Variants in WDR43 observed in about 807,000 individuals in gnomAD.
WDR43 encodes WD repeat domain 43.
WDR43 carries 13 observed loss-of-function variants against 91.4 expected under a neutral mutation model. That is an observed-to-expected ratio of 0.14 (90% CI 0.09 to 0.23). The LOEUF (loss-of-function observed/expected upper bound fraction) is 0.23. Among genes scored for constraint, WDR43 ranks in the 10% least tolerant of loss-of-function variants. The pLI, the probability that WDR43 is intolerant of heterozygous loss-of-function variation, is 1.00. For synonymous variants in WDR43, 331 were observed against 287.9 expected (o/e 1.15, Z -1.51); for missense variants, 780 against 809.4 (o/e 0.96, Z 0.44).
At position 28,917,980 on chromosome 2, in the gene WDR43, A is replaced by G; in HGVS notation, c.834A>G (p.Ser278=). 1.9e-6 allele frequency: 3 copies of G among 1,575,406 alleles called. No homozygotes were observed. Among genetic ancestry groups the G allele is most frequent in the Non-Finnish European group, 2.6e-6 (3 of 1,159,712 alleles). Residue 278 remains serine (S), a synonymous_variant, in exon 6 of 18, where the codon TCA becomes TCG. Transcript: ENST00000407426. ...CTGTCTATATTGACTTAACTTTGTC[A>G]GAAAACAAAGAAGAGGTAAATGGCT... ...DEPVYIDLTL[S]ENKEEPVKLA...
chr2:28,903,576 T>C (rs983845223), intron 2 of WDR43, among the ~76,000 whole-genome samples: 1 of 152,192 alleles, frequency 6.6e-6, no homozygotes, highest in African/African-American at 2.4e-5. Flanking sequence ...ACAAAAATAA[T>C]ACTCAACTAT....
chr2:28,923,587 C>T (rs1671077159), intron 7 of WDR43, among the ~76,000 whole-genome samples: 1 of 152,122 alleles, frequency 6.6e-6, no homozygotes, highest in Non-Finnish European at 1.5e-5. Context: ...AGTTGGCACC[C>T]TTCTTTTAAG....
rs1353637344 is a variant in WDR43 at position 28,926,542 on chromosome 2, A to G, written c.1161A>G (p.Thr387=). The G allele has an allele frequency of 6.3e-7, 1 of 1,594,302 alleles. No individual in the cohort carries two copies. The highest frequency in any genetic ancestry group is 2.3e-5 in the East Asian group (1 of 44,434). ...ISNCWAPKVE[T]AITKVRTPVM... is the part of the protein sequence containing the mutation. ...ACTGCTGGGCCCCCAAAGTAGAAAC[A>G]GCTATAACAAAGGTGAGCACATTAC... The change falls in exon 9 of 18, where the codon ACA becomes ACG. Residue 387 remains threonine, a synonymous_variant. Coordinates refer to ENST00000407426, the MANE Select transcript of WDR43 (RefSeq NM_015131.3).
chr2:28,932,022 C>G (rs558497005), intron 11 of WDR43, among the ~76,000 whole-genome samples: 14 of 151,972 alleles, frequency 9.2e-5, no homozygotes, highest in Non-Finnish European at 2.1e-4. Context: ...ACTGCAGGCA[C>G]GCATCACCAT....
intron 6 of WDR43, among the ~76,000 whole-genome samples, chr2:28,919,126 C>T (rs1670972375): frequency 1.3e-5 from 2 of 152,114 alleles, no homozygotes; most frequent in Admixed American, 6.5e-5. Context: ...TGCATGGTGG[C>T]ATGCACTGGT....
chr2:28,925,876 G>A (rs1671128932), intron 8 of WDR43, among the ~76,000 whole-genome samples: 1 of 152,110 alleles, frequency 6.6e-6, no homozygotes, highest in Admixed American at 6.5e-5. Flanking sequence ...CTCTCTGTTT[G>A]CAGCCATTGT....
rs1229177533 is a variant in WDR43 at position 28,922,903 on chromosome 2, T to C, written c.850-16T>C. On this transcript the variant is annotated splice_polypyrimidine_tract_variant and intron_variant, in intron 6 of 17. Transcript: ENST00000407426. ...ATGTTATCCATTATAATACGTTGGTTACATTTTTCTTTTAGCCTGTCAAGT... is the reference window on the plus strand; with the variant it reads ...ATGTTATCCATTATAATACGTTGGTCACATTTTTCTTTTAGCCTGTCAAGT... The C allele has an allele frequency of 8.1e-6, 13 of 1,609,404 alleles. No homozygotes were observed. The highest frequency in any genetic ancestry group is 1.0e-5 in the Non-Finnish European group (12 of 1,177,804).
chr2:28,939,993 G>T (rs1381719898), intron 14 of WDR43, among the ~76,000 whole-genome samples: 1 of 151,636 alleles, frequency 6.6e-6, no homozygotes, highest in African/African-American at 2.4e-5. Context: ...TGTAGTCCCA[G>T]CTACTCGGGA....
chr2:28,920,878 T>C (rs750439956), intron 6 of WDR43, among the ~76,000 whole-genome samples: 34 of 151,928 alleles, frequency 2.2e-4, no homozygotes, highest in Non-Finnish European at 3.5e-4. Flanking sequence ...GGTTTCACCA[T>C]GTTGGCCAGG....
intron 11 of WDR43, among the ~76,000 whole-genome samples, chr2:28,935,141 G>A (rs1671315024): frequency 6.6e-6 from 1 of 152,082 alleles, no homozygotes; most frequent in Admixed American, 6.6e-5. Context: ...TGCTTTCTAA[G>A]TAATTTTACT....
intron 11 of WDR43, chr2:28,930,243 A>G: frequency 2.7e-6 from 1 of 371,796 alleles, no homozygotes; most frequent in South Asian, 2.1e-5. Context: ...AAAGGGAGGC[A>G]TTTATGATTT....
At chr2:28,924,904 G>T (rs1671098860) in intron 7 of WDR43, 78 bp from the exon 8 acceptor site, 1 of 1,524,532 alleles carries the variant, frequency 6.6e-7, no homozygotes, top group South Asian at 1.3e-5. Context: ...CACATTTCGT[G>T]ACTTGATGTC....
intron 5 of WDR43, 79 bp downstream of exon 5, chr2:28,914,287 A>G (rs1464534601): frequency 7.0e-7 from 1 of 1,434,860 alleles, no homozygotes; most frequent in African/African-American, 1.4e-5. Flanking sequence ...AATTATGAAT[A>G]TGGGACTTTA....
chr2:28,900,340 C>T (rs1670555434), intron 1 of WDR43, among the ~76,000 whole-genome samples: 1 of 152,034 alleles, frequency 6.6e-6, no homozygotes, highest in Admixed American at 6.6e-5. Flanking sequence ...ACCACCACGC[C>T]CGGCTAATTT....
chr2:28,944,893 G>A (rs1671514234), intron 16 of WDR43, among the ~76,000 whole-genome samples: 1 of 152,202 alleles, frequency 6.6e-6, no homozygotes, highest in Non-Finnish European at 1.5e-5. Flanking sequence ...ACTTCATCAC[G>A]CTGCACATAA....
At chr2:28,904,695 G>A (rs999759644) in intron 2 of WDR43, among the ~76,000 whole-genome samples, 1 of 152,208 alleles carries the variant, frequency 6.6e-6, no homozygotes. Flanking sequence ...TTACTTGCGT[G>A]TATATAAGAC....
In WDR43 at chr2:28,894,829, C is replaced by CCAA; in HGVS notation, c.136_138dup (p.Asn46dup). The CCAA allele has an allele frequency of 6.2e-7, 1 of 1,611,256 alleles. No individual in the cohort carries two copies. The highest frequency in any genetic ancestry group is 8.5e-7 in the Non-Finnish European group (1 of 1,178,818). ...GGTCACTTACGAGTATGGGAGACGGCCAACAACCGGCTGCACCAGGAGTAC... is the reference window on the plus strand; with the variant it reads ...GGTCACTTACGAGTATGGGAGACGGCCAACAACAACCGGCTGCACCAGGAGTAC... On this transcript the variant is annotated inframe_insertion, in exon 1 of 18. Transcript: ENST00000407426.
rs143803602 is a variant in WDR43, at chr2:28,914,003, T to C, written c.607-66T>C. On this transcript the variant is annotated intron_variant, in intron 4 of 17. Transcript: ENST00000407426. Reference sequence around the variant, plus strand: ...TATCACATATGGCTTGTTTTGATAATATATACTATTAATTTTTGTCCCTGC... The same window carrying C: ...TATCACATATGGCTTGTTTTGATAACATATACTATTAATTTTTGTCCCTGC... 2,972 of 1,579,132 alleles carry C rather than the reference T, an allele frequency of 1.9e-3. 5 individuals carry two copies. The highest frequency in any genetic ancestry group is 2.3e-3 in the Non-Finnish European group (2,718 of 1,159,030).
At chr2:28,917,781 C>A in intron 5 of WDR43, 112 bp from the exon 6 acceptor site, 1 of 904,630 alleles carries the variant, frequency 1.1e-6, no homozygotes, top group Non-Finnish European at 1.7e-6. Flanking sequence ...CAAAAGATGA[C>A]AAAGCTATTG....
Sources: allele counts gnomAD v4.1 joint callset (sites outside exome capture counted in the v4.1 genomes callset), GRCh38; gene constraint gnomAD v4.1.1; transcripts MANE v1.5; gene names NCBI Gene and HGNC (gene_info 2026-07-23, HGNC 2026-07-21).